Variants in SUPV3L1 observed in about 807,000 individuals in gnomAD.
SUPV3L1 encodes the protein Suv3 like RNA helicase, also known as ATP-dependent RNA helicase SUPV3L1, mitochondrial.
In SUPV3L1, 35 loss-of-function variants were observed where a neutral mutation model predicts 70.0. The ratio of observed to expected loss-of-function variants is 0.50; its 90% CI spans 0.38 to 0.66. SUPV3L1 has a LOEUF of 0.66. Ranked by LOEUF, SUPV3L1 falls within the 30% of genes least tolerant of loss-of-function variation. The pLI is 0.00. For missense variants in SUPV3L1, 777 were observed against 961.5 expected (o/e 0.81, Z 2.54); for synonymous variants, 364 against 341.9 (o/e 1.06, Z -0.71).
rs1842219020 is a variant in SUPV3L1 at position 69,186,053 on chromosome 10, A to T, written c.338A>T (p.Tyr113Phe). 6.2e-7 allele frequency: 1 copy of T among 1,613,848 alleles called. No individual in the cohort carries two copies. The highest frequency in any genetic ancestry group is 8.5e-7 in the Non-Finnish European group (1 of 1,179,876). Residue 113 changes from tyrosine (Y) to phenylalanine (F), a missense_variant, in exon 2 of 15, where the codon TAT (tyrosine) becomes TTT (phenylalanine). By Grantham distance (22) the Tyr-to-Phe change is conservative. This residue lies in a region of SUPV3L1 where 619 missense variants were observed against 823.3 expected (regional missense o/e 0.75). Transcript: ENST00000359655. ...RKEIQKLGADYGLDARLFHQA... is the reference protein window; with the variant it reads ...RKEIQKLGADFGLDARLFHQA... The stretch of plus-strand genomic sequence containing the variant: ...GAAATTCAGAAACTGGGTGCTGATT[A>T]TGGACTTGATGGTAAGGCCCAAAAC...
intron 13 of SUPV3L1, 21 bp downstream of exon 13, chr10:69,203,064 T>C: frequency 1.3e-6 from 2 of 1,583,802 alleles, no homozygotes; most frequent in Non-Finnish European, 8.6e-7. Context: ...ATCTTTAAGC[T>C]ATTTTGAGTT....
intron 11 of SUPV3L1, among the ~76,000 whole-genome samples, chr10:69,201,319 C>G (rs1031503211): frequency 4.6e-5 from 7 of 151,866 alleles, no homozygotes; most frequent in Non-Finnish European, 1.0e-4. Flanking sequence ...TACTTCATTC[C>G]TTATACTTTC....
chr10:69,180,492 G>C lies in SUPV3L1; in HGVS notation c.201G>C (p.Leu67=). ...KIPNTSLFVP[L]TVKPQGPSAD... is the part of the protein sequence containing the mutation. ...CAAACACGTCCTTGTTCGTGCCCCT[G>C]ACTGTGAAACCTCAGGGCCCCAGCG... Residue 67 remains leucine (L), a synonymous_variant, in exon 1 of 15, where the codon CTG becomes CTC. Transcript: ENST00000359655. The C allele has an allele frequency of 6.2e-7, 1 of 1,614,252 alleles. No individual in the cohort carries two copies.
rs756898383 is a variant in SUPV3L1, at chr10:69,209,032, C to T, written c.2358C>T (p.Asp786=). The change falls in exon 15 of 15, where the codon GAC becomes GAT. Residue 786 remains aspartate, a synonymous_variant. Transcript: ENST00000359655. ...TRRKKKEPDS[D] ...GAAAGAAGAAGGAACCTGATTCGGACTAGTTTTCTGTTCCTGTTTTTTTTT... is the reference window on the plus strand; with the variant it reads ...GAAAGAAGAAGGAACCTGATTCGGATTAGTTTTCTGTTCCTGTTTTTTTTT... The T allele has an allele frequency of 3.1e-5, 48 of 1,537,722 alleles. No individual in the cohort carries two copies. The South Asian group carries it at 3.5e-4, about 11-fold the overall frequency.
chr10:69,182,572 A>T, intron 1 of SUPV3L1: 2 of 985,422 alleles, frequency 2.0e-6, no homozygotes, highest in Non-Finnish European at 2.4e-6. Context: ...CTGTAAGAAG[A>T]TAGAATAAAG....
intron 6 of SUPV3L1, chr10:69,192,961 C>T (rs186712077): frequency 2.0e-5 from 3 of 152,312 alleles, no homozygotes; most frequent in African/African-American, 7.2e-5. Context: ...GGTCCTCCCA[C>T]CTAGGTCTCC....
chr10:69,207,431 C>A (rs1471833201), intron 13 of SUPV3L1, among the ~76,000 whole-genome samples: 1 of 152,212 alleles, frequency 6.6e-6, no homozygotes, highest in East Asian at 1.9e-4. Context: ...TCCACCTCAG[C>A]TTCCTGAGGA....
chr10:69,187,332 C>G, intron 3 of SUPV3L1: 1 of 99,308 alleles, frequency 1.0e-5, no homozygotes, highest in Non-Finnish European at 2.2e-5. Flanking sequence ...TTTTTTTTTT[C>G]TTTTCTTCCT....
At chr10:69,190,456 A>G (rs141498034) in intron 5 of SUPV3L1, among the ~76,000 whole-genome samples, 9 of 152,182 alleles carry the variant, frequency 5.9e-5, no homozygotes, top group African/African-American at 1.4e-4. Flanking sequence ...CAGTTTGAGC[A>G]ATTTACATAC....
rs878942099 is a variant in SUPV3L1 at position 69,202,889 on chromosome 10, A to G, written c.1622A>G (p.Gln541Arg). ...AAGGATATTTTTGTAGACTTTTCACAAGTTGATGGGCAGTATTTTGTCTGC... is the reference window on the plus strand; with the variant it reads ...AAGGATATTTTTGTAGACTTTTCACGAGTTGATGGGCAGTATTTTGTCTGC... ...NLIDIFVDFS[Q>R]VDGQYFVCNM... Residue 541 changes from glutamine (Q) to arginine (R), a missense_variant, in exon 13 of 15, where the codon CAA becomes CGA. This residue lies in a region of SUPV3L1 where 619 missense variants were observed against 823.3 expected (regional missense o/e 0.75). Transcript: ENST00000359655. The G allele has an allele frequency of 6.2e-7, 1 of 1,612,342 alleles. No individual in the cohort carries two copies. Among genetic ancestry groups the G allele is most frequent in the Admixed American group, 1.7e-5 (1 of 59,708 alleles).
chr10:69,191,127 C>G (rs1010472741), intron 5 of SUPV3L1, among the ~76,000 whole-genome samples: 25 of 152,036 alleles, frequency 1.6e-4, no homozygotes, highest in African/African-American at 5.8e-4. Flanking sequence ...CTTTTGTTAC[C>G]TGAGGATTTA....
At chr10:69,206,775 G>A (rs1293453938) in intron 13 of SUPV3L1, among the ~76,000 whole-genome samples, 3 of 152,190 alleles carry the variant, frequency 2.0e-5, no homozygotes, top group Non-Finnish European at 2.9e-5. Flanking sequence ...TTGGGAGGCC[G>A]AGGCGGGTGG....
chr10:69,203,557 G>A (rs571103391), intron 13 of SUPV3L1, among the ~76,000 whole-genome samples: 6 of 151,024 alleles, frequency 4.0e-5, no homozygotes, highest in African/African-American at 1.5e-4. Context: ...CCAGCTACTC[G>A]GGAGGCTGAG....
At chr10:69,189,146 C>A in intron 4 of SUPV3L1, 121 bp from the exon 5 acceptor site, 1 of 1,094,126 alleles carries the variant, frequency 9.1e-7, no homozygotes, top group Non-Finnish European at 1.2e-6. Flanking sequence ...TTTAGTTTTT[C>A]AAAGACTTGA....
rs1443313981 is a variant in SUPV3L1 at position 69,198,559 on chromosome 10, A to T, written c.1204+7A>T. 6.2e-7 allele frequency: 1 copy of T among 1,610,904 alleles called. No individual in the cohort carries two copies. Among genetic ancestry groups the T allele is most frequent in the Admixed American group, 1.7e-5 (1 of 59,042 alleles). On this transcript the variant is annotated splice_region_variant and intron_variant, in intron 9 of 14. Transcript: ENST00000359655. ...TATGGCAGTCTCCCACCTGGTAATT[A>T]TTGACTTTCCTCGTGACAAGATATG...
intron 11 of SUPV3L1, among the ~76,000 whole-genome samples, chr10:69,202,119 A>G (rs150085824): frequency 1.2e-3 from 183 of 152,260 alleles, no homozygotes; most frequent in East Asian, 8.3e-3. Context: ...GATTACAGGC[A>G]TGAGCCACCA....
intron 7 of SUPV3L1, 78 bp downstream of exon 7, chr10:69,195,343 C>A: frequency 8.9e-7 from 1 of 1,124,002 alleles, no homozygotes; most frequent in Non-Finnish European, 1.2e-6. Context: ...TTGCCATTGC[C>A]AACCAAATAG....
chr10:69,189,554 T>A, intron 5 of SUPV3L1, 119 bp downstream of exon 5: 1 of 1,023,806 alleles, frequency 9.8e-7, no homozygotes, highest in Non-Finnish European at 1.3e-6. Flanking sequence ...TCATTGTGTC[T>A]AAGAGGCTGT....
intron 13 of SUPV3L1, among the ~76,000 whole-genome samples, chr10:69,205,619 C>T (rs866806264): frequency 6.6e-6 from 1 of 152,174 alleles, no homozygotes; most frequent in Non-Finnish European, 1.5e-5. Flanking sequence ...CTGCAACCTC[C>T]GCCTCCCAGG....
Sources: gnomAD v4.1 joint callset for allele counts (sites outside exome capture counted in the v4.1 genomes callset) on GRCh38, gnomAD v4.1.1 for gene constraint, gnomAD v4.1.1 regional missense constraint, MANE v1.5 for transcripts, NCBI Gene and HGNC (gene_info 2026-07-23, HGNC 2026-07-21) for gene names.